NALCN: variants seen among roughly 807,000 people sequenced by gnomAD.
NALCN encodes sodium leak channel, non-selective, also known as sodium leak channel NALCN.
NALCN carries 111 observed loss-of-function variants against 225.3 expected under a neutral mutation model. That is an observed-to-expected ratio of 0.49 (90% CI 0.42 to 0.58). The LOEUF is 0.58. Ranked by LOEUF, NALCN falls within the 20% of genes least tolerant of loss-of-function variation. NALCN has a pLI of 0.00. For missense variants in NALCN, 1,378 were observed against 2,202.4 expected, an observed-to-expected ratio of 0.63 and a Z score of 7.49; for synonymous variants, 764 against 769.0, an observed-to-expected ratio of 0.99 and a Z score of 0.11.
Position 101,055,183 on chromosome 13 carries a change from G to T in NALCN, c.*112C>A. ...ATGAAAATCAATTTATAAACATCTT[G>T]TGACAAGCTGGAATTCAGTTATAGA... On this transcript the variant is annotated 3_prime_UTR_variant, in exon 44 of 44. Transcript: ENST00000251127. 1.2e-6 allele frequency: 1 copy of T among 826,814 alleles called. No individual in the cohort carries two copies. Among genetic ancestry groups the T allele is most frequent in the Non-Finnish European group, 1.9e-6 (1 of 532,546 alleles). The allele number at this position is 826,814 out of a possible 1,614,324, so 51.2% of individuals were successfully genotyped here.
At chr13:101,170,935 G>T (rs1188221797) in intron 15 of NALCN, among the ~76,000 whole-genome samples, 2 of 151,954 alleles carry the variant, frequency 1.3e-5, no homozygotes, top group African/African-American at 4.8e-5. Flanking sequence ...CACCAAATTT[G>T]CAAAAATCAT....
rs759435595 is a variant in NALCN, at chr13:101,056,394, G to A, written c.5024-906C>T. Among the ~76,000 whole-genome samples the A allele has an allele frequency of 3.7e-4, 56 of 151,600 alleles. 1 individual carries two copies. The highest frequency in any genetic ancestry group is 4.1e-4 in the Non-Finnish European group (28 of 67,902). ...TCCTGCCTCAGCCTCCCAAGCAGCT[G>A]GGATTACAGGTGCACACCACTACCG... On this transcript the variant is annotated intron_variant, in intron 43 of 43. Transcript: ENST00000251127.
At chr13:101,152,338 T>C (rs1279222051) in intron 15 of NALCN, among the ~76,000 whole-genome samples, 2 of 152,210 alleles carry the variant, frequency 1.3e-5, no homozygotes, top group Non-Finnish European at 2.9e-5. Flanking sequence ...GAGGGGCGGA[T>C]GCACTGGGCA....
intron 10 of NALCN, among the ~76,000 whole-genome samples, chr13:101,265,736 C>T (rs2042575200): frequency 1.3e-5 from 2 of 152,130 alleles, no homozygotes; most frequent in African/African-American, 2.4e-5. Context: ...GAAACAGGCT[C>T]AGAAAGTCTA....
chr13:101,290,970 T>A (rs2043531004), intron 9 of NALCN, among the ~76,000 whole-genome samples: 1 of 152,196 alleles, frequency 6.6e-6, no homozygotes, highest in South Asian at 2.1e-4. Context: ...CTTCCTTTTT[T>A]TAACACCACA....
chr13:101,055,557 C>A, intron 43 of NALCN, 69 bp from the exon 44 acceptor site: 1 of 1,333,902 alleles, frequency 7.5e-7, no homozygotes, highest in Non-Finnish European at 1.0e-6. Flanking sequence ...TCCTAAAAAC[C>A]CATGATATTC....
At chr13:101,068,276 T>C (rs1488439366) in intron 38 of NALCN, among the ~76,000 whole-genome samples, 1 of 152,146 alleles carries the variant, frequency 6.6e-6, no homozygotes, top group Non-Finnish European at 1.5e-5. Flanking sequence ...TGTATAGAGA[T>C]AGTCATGCCA....
At chr13:101,298,041 A>G (rs9557607) in intron 7 of NALCN, among the ~76,000 whole-genome samples, 7,757 of 152,284 alleles carry the variant, frequency 0.051, 339 homozygotes, top group East Asian at 0.25. Flanking sequence ...ATGGATGACT[A>G]TGCTGTATCT....
At chr13:101,415,009 C>A (rs2047894180) in intron 1 of NALCN, among the ~76,000 whole-genome samples, 1 of 147,486 alleles carries the variant, frequency 6.8e-6, no homozygotes, top group Non-Finnish European at 1.5e-5. Context: ...TGACAGCCAA[C>A]CAGTTAGGGA....
At chr13:101,219,562 T>C (rs1260904363) in intron 13 of NALCN, among the ~76,000 whole-genome samples, 1 of 152,164 alleles carries the variant, frequency 6.6e-6, no homozygotes, top group East Asian at 1.9e-4. Flanking sequence ...TATCAGGTGC[T>C]GGTTTGGGAT....
At chr13:101,168,900 G>A (rs1037513679) in intron 15 of NALCN, among the ~76,000 whole-genome samples, 1 of 152,072 alleles carries the variant, frequency 6.6e-6, no homozygotes, top group Non-Finnish European at 1.5e-5. Context: ...AAAAGACTCT[G>A]CAGTTCCCTT....
intron 3 of NALCN, among the ~76,000 whole-genome samples, chr13:101,383,648 T>C (rs1033374193): frequency 1.2e-4 from 19 of 152,222 alleles, no homozygotes; most frequent in African/African-American, 4.6e-4. Flanking sequence ...CAGTTAATAT[T>C]TCTTAATGAA....
chr13:101,330,193 TA>T (rs2045113326), intron 7 of NALCN, among the ~76,000 whole-genome samples: 1 of 151,976 alleles, frequency 6.6e-6, no homozygotes, highest in Non-Finnish European at 1.5e-5. Flanking sequence ...AGGAAATAGA[TA>T]AAAGAGAGTA....
intron 11 of NALCN, among the ~76,000 whole-genome samples, chr13:101,246,508 T>C (rs1209298522): frequency 1.3e-5 from 2 of 152,220 alleles, no homozygotes; most frequent in East Asian, 3.8e-4. Flanking sequence ...GTAAATCACC[T>C]ACTCTTAGCT....
chr13:101,163,377 A>ATCATG (rs1363276477), intron 15 of NALCN, among the ~76,000 whole-genome samples: 2 of 152,156 alleles, frequency 1.3e-5, no homozygotes, highest in Non-Finnish European at 2.9e-5. Context: ...GGTAAGAGAG[A>ATCATG]TCATGCTAAC....
intron 3 of NALCN, among the ~76,000 whole-genome samples, chr13:101,392,358 A>G (rs2047171690): frequency 6.6e-6 from 1 of 152,200 alleles, no homozygotes; most frequent in Admixed American, 6.5e-5. Flanking sequence ...TCGGAATGGA[A>G]GGATAACTCA....
At chr13:101,153,512 T>C (rs1377198144) in intron 15 of NALCN, among the ~76,000 whole-genome samples, 1 of 152,220 alleles carries the variant, frequency 6.6e-6, no homozygotes, top group African/African-American at 2.4e-5. Context: ...AATAGGCAGT[T>C]AAACCATTTC....
upstream of NALCN, among the ~76,000 whole-genome samples, chr13:101,416,869 C>A (rs2047962771): frequency 6.6e-6 from 1 of 152,050 alleles, no homozygotes; most frequent in South Asian, 2.1e-4. Context: ...GGCCGGGAGC[C>A]CAGCGTGCGA....
chr13:101,274,158 C>T (rs2042899151), intron 10 of NALCN, among the ~76,000 whole-genome samples: 1 of 152,158 alleles, frequency 6.6e-6, no homozygotes, highest in Admixed American at 6.5e-5. Flanking sequence ...TCCTTTAACC[C>T]AGAAATTGCT....
Sources: gnomAD v4.1 joint callset for allele counts (sites outside exome capture counted in the v4.1 genomes callset) on GRCh38, gnomAD v4.1.1 for gene constraint, MANE v1.5 for transcripts, NCBI Gene and HGNC (gene_info 2026-07-23, HGNC 2026-07-21) for gene names.